The following ITPR2 variants were observed in gnomAD, a reference collection of about 807,000 sequenced individuals.
The protein encoded by ITPR2 is inositol 1,4,5-trisphosphate-gated calcium channel ITPR2.
ITPR2 carries 207 observed loss-of-function variants against 317.1 expected under a neutral mutation model. The ratio of observed to expected loss-of-function variants is 0.65; its 90% confidence interval spans 0.58 to 0.73. The LOEUF is 0.73. Among genes scored for constraint, ITPR2 ranks in the 30% least tolerant of loss-of-function variants. The pLI is 0.00. For missense variants in ITPR2, 2,613 were observed against 3,284.0 expected, an observed-to-expected ratio of 0.80 and a Z score of 4.99; for synonymous variants, 1,156 against 1,149.1, an observed-to-expected ratio of 1.01 and a Z score of -0.12.
intron 1 of ITPR2, among the ~76,000 whole-genome samples, chr12:26,803,185 C>T (rs1188300114): frequency 6.6e-6 from 1 of 152,082 alleles, no homozygotes; most frequent in Non-Finnish European, 1.5e-5. Flanking sequence ...CCTATGATCC[C>T]ACCATATTTG....
chr12:26,779,898 G>A (rs1425855526), intron 2 of ITPR2, among the ~76,000 whole-genome samples: 4 of 152,218 alleles, frequency 2.6e-5, no homozygotes, highest in Non-Finnish European at 4.4e-5. Flanking sequence ...AAGGAATTTG[G>A]GGAAGAGGTA....
intron 2 of ITPR2, among the ~76,000 whole-genome samples, chr12:26,762,871 C>T (rs538158583): frequency 2.0e-5 from 3 of 151,678 alleles, no homozygotes; most frequent in African/African-American, 4.8e-5. Context: ...AAATTAGAAG[C>T]GATGTAGAAC....
intron 45 of ITPR2, among the ~76,000 whole-genome samples, chr12:26,471,424 C>A (rs539984725): frequency 6.6e-6 from 1 of 152,224 alleles, no homozygotes; most frequent in East Asian, 1.9e-4. Context: ...ATAAGGTAAA[C>A]ACGCAGAAGA....
At chr12:26,710,944 A>G (rs1277063168) in intron 9 of ITPR2, among the ~76,000 whole-genome samples, 1 of 152,172 alleles carries the variant, frequency 6.6e-6, no homozygotes, top group East Asian at 1.9e-4. Flanking sequence ...CTTCCAGTAA[A>G]ACAACTGCAG....
intron 45 of ITPR2, among the ~76,000 whole-genome samples, chr12:26,472,473 T>C (rs1942314862): frequency 3.3e-5 from 5 of 151,998 alleles, no homozygotes; most frequent in Admixed American, 3.3e-4. Context: ...TTTTCCAACA[T>C]TTTGCTTCTG....
intron 48 of ITPR2, among the ~76,000 whole-genome samples, chr12:26,436,013 C>T (rs1232992310): frequency 6.6e-6 from 1 of 152,098 alleles, no homozygotes; most frequent in Non-Finnish European, 1.5e-5. Flanking sequence ...TAATATAGCT[C>T]TAATAACAAT....
chr12:26,563,698 C>T (rs545823935), intron 34 of ITPR2, among the ~76,000 whole-genome samples: 1 of 152,330 alleles, frequency 6.6e-6, no homozygotes, highest in East Asian at 1.9e-4. Context: ...TATACACACA[C>T]ATGCACATAT....
At chr12:26,682,751 A>G (rs2136962969) in intron 11 of ITPR2, 78 bp from the exon 12 acceptor site, 1 of 807,930 alleles carries the variant, frequency 1.2e-6, no homozygotes, top group East Asian at 2.7e-5. Context: ...ACAGTTTCAT[A>G]TATTATATGA....
At chr12:26,586,791 T>G (rs1365036071) in intron 32 of ITPR2, among the ~76,000 whole-genome samples, 2 of 152,198 alleles carry the variant, frequency 1.3e-5, no homozygotes, top group African/African-American at 4.8e-5. Context: ...GAGTTTCTAT[T>G]ACTAATAATC....
chr12:26,656,416 T>C lies in ITPR2; in HGVS notation c.2325A>G (p.Arg775=). The C allele has an allele frequency of 1.9e-6, 3 of 1,614,168 alleles. No homozygotes were observed. The highest frequency in any genetic ancestry group is 2.2e-5 in the South Asian group (2 of 91,074). Residue 775 remains arginine (R), a synonymous_variant, in exon 19 of 57, where the codon CGA becomes CGG. Coordinates refer to ENST00000381340, the MANE Select transcript of ITPR2 (RefSeq NM_002223.4). The part of the protein sequence containing the change: ...VSDESLPFDL[R]ASFCRLMLHM... ...GGAGCATGAGGCGACAGAAGGACGCTCGGAGGTCGAACGGCAGGCTCTCAT... is the reference window on the plus strand; with the variant it reads ...GGAGCATGAGGCGACAGAAGGACGCCCGGAGGTCGAACGGCAGGCTCTCAT...
At chr12:26,676,904 A>G (rs1947920541) in intron 13 of ITPR2, among the ~76,000 whole-genome samples, 1 of 152,240 alleles carries the variant, frequency 6.6e-6, no homozygotes. Flanking sequence ...TTAAAATTTT[A>G]CAAATGAAGA....
At chr12:26,565,256 T>A (rs1591905861) in intron 34 of ITPR2, among the ~76,000 whole-genome samples, 1 of 152,108 alleles carries the variant, frequency 6.6e-6, no homozygotes, top group African/African-American at 2.4e-5. Flanking sequence ...GAAAATTAAG[T>A]TAGAAACAAA....
At chr12:26,400,295 T>A (rs560985104) in intron 52 of ITPR2, 37 bp from the exon 53 acceptor site, 28 of 1,235,908 alleles carry the variant, frequency 2.3e-5, no homozygotes, top group Non-Finnish European at 3.0e-5. Context: ...TATAAAATTA[T>A]GTAAAAATAT....
At chr12:26,436,425 T>G in intron 47 of ITPR2, 79 bp from the exon 48 acceptor site, 1 of 1,239,786 alleles carries the variant, frequency 8.1e-7, no homozygotes, top group Non-Finnish European at 1.1e-6. Flanking sequence ...CAAAACAATA[T>G]TTTACTAAAT....
At chr12:26,635,961 C>T (rs890139198) in intron 21 of ITPR2, among the ~76,000 whole-genome samples, 1 of 152,136 alleles carries the variant, frequency 6.6e-6, no homozygotes, top group Non-Finnish European at 1.5e-5. Context: ...TGGTAGCAAC[C>T]TGGGTTAAGG....
At chr12:26,830,244 C>T (rs1017586932) in intron 1 of ITPR2, among the ~76,000 whole-genome samples, 2 of 152,218 alleles carry the variant, frequency 1.3e-5, no homozygotes, top group African/African-American at 4.8e-5. Flanking sequence ...ACCTTAGAAT[C>T]TAGCAGCACG....
At chr12:26,382,237 T>C (rs1294950316) in intron 55 of ITPR2, among the ~76,000 whole-genome samples, 3 of 152,250 alleles carry the variant, frequency 2.0e-5, no homozygotes, top group Non-Finnish European at 4.4e-5. Flanking sequence ...AAATATCATT[T>C]ATTTTATCAA....
At chr12:26,492,235 T>A (rs1320757938) in intron 39 of ITPR2, among the ~76,000 whole-genome samples, 1 of 152,156 alleles carries the variant, frequency 6.6e-6, no homozygotes, top group African/African-American at 2.4e-5. Flanking sequence ...GAAAAATATT[T>A]CGGTTGTGAA....
chr12:26,439,165 T>A lies in ITPR2; in HGVS notation c.6605A>T (p.Asp2202Val). The change falls in exon 47 of 57, where the codon GAT (aspartate) becomes GTT (valine). Residue 2202 changes from aspartate (D) to valine (V), a missense_variant. Around this residue, in one of 9 missense-constraint regions of ITPR2, gnomAD observed 926 missense variants for 1,072.8 expected, o/e 0.86. Coordinates refer to ENST00000381340, the MANE Select transcript of ITPR2 (RefSeq NM_002223.4). ...CTGCCACTTCATTTCATTGTAGAGA[T>A]CTTCTGTTTGCTGGAAAAAGTCATT... ...KVNDFFQQTE[D>V]LYNEMKWQKK... 1 of 1,611,642 alleles carries A rather than the reference T, an allele frequency of 6.2e-7. No individual in the cohort carries two copies. Among genetic ancestry groups the A allele is most frequent in the Non-Finnish European group, 8.5e-7 (1 of 1,178,990 alleles).
Sources: allele counts gnomAD v4.1 joint callset (sites outside exome capture counted in the v4.1 genomes callset), GRCh38; gene constraint gnomAD v4.1.1; regional missense constraint gnomAD v4.1.1; transcripts MANE v1.5; gene names NCBI Gene and HGNC (gene_info 2026-07-23, HGNC 2026-07-21).